The following NAV2 variants were observed in gnomAD, a reference collection of about 807,000 sequenced individuals.
The protein encoded by NAV2 is neuron navigator 2, also known as helicase, APC down-regulated 1.
In NAV2, 54 loss-of-function variants were observed where a neutral mutation model predicts 223.2. That is an observed-to-expected ratio of 0.24 (90% CI 0.19 to 0.30). The LOEUF (loss-of-function observed/expected upper bound fraction) is 0.30. Ranked by LOEUF, NAV2 falls within the 10% of genes least tolerant of loss-of-function variation. NAV2 has a pLI of 1.00. For synonymous variants in NAV2, 1,279 were observed against 1,239.3 expected, an observed-to-expected ratio of 1.03 and a Z score of -0.67; for missense variants, 2,806 against 3,147.5, an observed-to-expected ratio of 0.89 and a Z score of 2.60.
At chr11:19,871,239 A>G (rs1300317341) in intron 4 of NAV2, among the ~76,000 whole-genome samples, 1 of 152,212 alleles carries the variant, frequency 6.6e-6, no homozygotes, top group East Asian at 1.9e-4. Context: ...TCAAGTTGTT[A>G]CAATTACTTG....
chr11:19,581,757 G>T (rs1256143993), intron 1 of NAV2, among the ~76,000 whole-genome samples: 2 of 152,146 alleles, frequency 1.3e-5, no homozygotes, highest in Admixed American at 1.3e-4. Context: ...TCTTAATCCA[G>T]TCTATCATCG....
Position 19,897,886 on chromosome 11 carries a change from T to TATATATATATATATA in NAV2, c.931+5292_931+5293insATATATATATATATA, listed in dbSNP as rs1555129987. 1.3e-4 allele frequency among the ~76,000 whole-genome samples: 16 copies of TATATATATATATATA among 120,656 alleles called. 1 individual carries two copies. Among genetic ancestry groups the TATATATATATATATA allele is most frequent in the African/African-American group, 5.1e-4 (15 of 29,656 alleles). The allele number at this position is 120,656 out of a possible 152,430, so 79.2% of individuals were successfully genotyped here. A position where few individuals can be genotyped will look rare whatever the true frequency, so the allele number is the denominator to read the frequency against. ...GCCACAGCTGTGCCTGACCTGTGAT[T>TATATATATATATATA]TATATATATATATATATATGTGAGC... On this transcript the variant is annotated intron_variant, in intron 6 of 37. Transcript: ENST00000349880.
At chr11:19,901,670 G>A (rs1204860689) in intron 6 of NAV2, among the ~76,000 whole-genome samples, 3 of 152,114 alleles carry the variant, frequency 2.0e-5, no homozygotes, top group Non-Finnish European at 2.9e-5. Context: ...TTAATAAATG[G>A]GGAATCATTT....
intron 10 of NAV2, among the ~76,000 whole-genome samples, chr11:19,959,779 A>T (rs1331409408): frequency 6.6e-6 from 1 of 152,200 alleles, no homozygotes; most frequent in African/African-American, 2.4e-5. Context: ...TGTGGGAAGC[A>T]TGAACACGAT....
At chr11:19,538,540 A>G (rs574909525) in intron 1 of NAV2, among the ~76,000 whole-genome samples, 4 of 151,130 alleles carry the variant, frequency 2.6e-5, no homozygotes, top group Admixed American at 2.0e-4. Context: ...TTCTGCTAAG[A>G]TGGGAGTCTC....
chr11:19,556,814 C>G (rs1385398516), intron 1 of NAV2, among the ~76,000 whole-genome samples: 1 of 152,092 alleles, frequency 6.6e-6, no homozygotes, highest in Non-Finnish European at 1.5e-5. Flanking sequence ...ATAGCTAAAA[C>G]TACTGTTATT....
chr11:19,614,368 T>C (rs1236932027), intron 1 of NAV2, among the ~76,000 whole-genome samples: 1 of 152,168 alleles, frequency 6.6e-6, no homozygotes, highest in Non-Finnish European at 1.5e-5. Flanking sequence ...TGTGCCTTTC[T>C]TTTGGCTCCA....
intron 1 of NAV2, among the ~76,000 whole-genome samples, chr11:19,427,874 T>C (rs1285643484): frequency 6.6e-6 from 1 of 152,238 alleles, no homozygotes; most frequent in Non-Finnish European, 1.5e-5. Context: ...CATGTACTTA[T>C]TGATTTCTTA....
chr11:19,406,139 T>C (rs1849885167), intron 1 of NAV2, among the ~76,000 whole-genome samples: 1 of 152,150 alleles, frequency 6.6e-6, no homozygotes, highest in African/African-American at 2.4e-5. Flanking sequence ...CTGGCTTGGC[T>C]TTTGTATTCT....
chr11:19,888,269 T>C (rs1332877250), intron 5 of NAV2, among the ~76,000 whole-genome samples: 1 of 152,304 alleles, frequency 6.6e-6, no homozygotes, highest in East Asian at 1.9e-4. Flanking sequence ...TATTGGGACT[T>C]TCTGGTGCTG....
rs768800040 is a variant in NAV2, at chr11:19,934,122, G to T, written c.1878G>T (p.Gly626=). The change falls in exon 7 of 38, where the codon GGG becomes GGT. Residue 626 remains glycine, a synonymous_variant. Transcript: ENST00000349880. ...CCTCAGAAGGAAAAGGCCCAGGAGG[G>T]ACCACCCTGAACCACAGCATCAGCA... ...LASSEGKGPG[G]TTLNHSISSQ... 4 of 1,614,070 alleles carry T rather than the reference G, an allele frequency of 2.5e-6. No individual in the cohort carries two copies. The South Asian group carries it at 4.4e-5, about 18-fold the overall frequency.
intron 1 of NAV2, among the ~76,000 whole-genome samples, chr11:19,603,332 A>G (rs1565092045): frequency 6.6e-6 from 1 of 152,308 alleles, no homozygotes; most frequent in East Asian, 1.9e-4. Context: ...GAGACTAGAA[A>G]TAGAGCAAAA....
chr11:20,064,642 T>C (rs2058923193), intron 20 of NAV2, among the ~76,000 whole-genome samples: 1 of 152,190 alleles, frequency 6.6e-6, no homozygotes, highest in Non-Finnish European at 1.5e-5. Flanking sequence ...CTAGAAGTCC[T>C]TACAGTAAAA....
intron 1 of NAV2, among the ~76,000 whole-genome samples, chr11:19,661,712 G>A (rs969063627): frequency 2.0e-5 from 3 of 152,188 alleles, no homozygotes; most frequent in African/African-American, 7.2e-5. Context: ...GAGAACAAGT[G>A]TGAAAATGTT....
chr11:20,061,296 G>A (rs1266280464), intron 19 of NAV2, among the ~76,000 whole-genome samples: 2 of 151,832 alleles, frequency 1.3e-5, no homozygotes, highest in African/African-American at 2.4e-5. Context: ...TTGGCCGGGC[G>A]CGGTGGCTCA....
intron 1 of NAV2, among the ~76,000 whole-genome samples, chr11:19,418,115 T>G (rs1319733049): frequency 6.6e-6 from 1 of 152,146 alleles, no homozygotes; most frequent in African/African-American, 2.4e-5. Context: ...ACTCAAATTA[T>G]GAAAAACAAC....
chr11:19,361,915 A>G (rs1853974337), intron 1 of NAV2, among the ~76,000 whole-genome samples: 1 of 152,156 alleles, frequency 6.6e-6, no homozygotes, highest in Admixed American at 6.5e-5. Flanking sequence ...GAGCTGGGTT[A>G]AGAGGAGAAT....
At chr11:20,082,611 C>T (rs866259696) in intron 25 of NAV2, 1 of 1,613,424 alleles carries the variant, frequency 6.2e-7, no homozygotes, top group Non-Finnish European at 8.5e-7. Context: ...GTAAGCAAGA[C>T]CAACTTTAAT....
intron 1 of NAV2, among the ~76,000 whole-genome samples, chr11:19,664,674 C>A (rs1332254955): frequency 6.6e-6 from 1 of 152,118 alleles, no homozygotes; most frequent in African/African-American, 2.4e-5. Flanking sequence ...GAGTCAGATA[C>A]CACCCAATTC....
Sources: gnomAD v4.1 joint callset for allele counts (sites outside exome capture counted in the v4.1 genomes callset) on GRCh38, gnomAD v4.1.1 for gene constraint, MANE v1.5 for transcripts, NCBI Gene and HGNC (gene_info 2026-07-23, HGNC 2026-07-21) for gene names.